The following LEMD3 variants were observed in gnomAD, a reference collection of about 807,000 sequenced individuals.
LEMD3 encodes the protein LEM domain containing 3.
Under a neutral mutation model 95.2 loss-of-function variants are expected in LEMD3, and 33 were observed. That is an observed-to-expected ratio of 0.35 (90% CI 0.26 to 0.46). The LOEUF is 0.46. LEMD3 is among the 20% of genes least tolerant of loss of function. LEMD3 has a pLI of 1.00. For missense variants in LEMD3, 1,210 were observed against 1,192.8 expected, an observed-to-expected ratio of 1.01 and a Z score of -0.21; for synonymous variants, 525 against 474.6, an observed-to-expected ratio of 1.11 and a Z score of -1.38.
At chr12:65,221,700 C>A (rs11175686) in intron 4 of LEMD3, among the ~76,000 whole-genome samples, 67,523 of 150,654 alleles carry the variant, frequency 0.45, 18,138 homozygotes, top group Middle Eastern at 0.63. Context: ...AAAATAGCCA[C>A]CCTGGCCTTC....
chr12:65,212,259 A>G (rs1182157201), intron 2 of LEMD3, among the ~76,000 whole-genome samples: 1 of 152,186 alleles, frequency 6.6e-6, no homozygotes, highest in African/African-American at 2.4e-5. Context: ...GCCTCCCACA[A>G]CACGTGGGGA....
At chr12:65,202,763 T>C (rs935169743) in intron 1 of LEMD3, among the ~76,000 whole-genome samples, 1 of 152,198 alleles carries the variant, frequency 6.6e-6, no homozygotes, top group Admixed American at 6.6e-5. Flanking sequence ...GGTTGTGTCT[T>C]CTGTGAGTTT....
chr12:65,236,421 G>T (rs758079198), intron 4 of LEMD3, among the ~76,000 whole-genome samples: 1 of 152,050 alleles, frequency 6.6e-6, no homozygotes, highest in African/African-American at 2.4e-5. Flanking sequence ...GGTGGCACAC[G>T]CCTGTAGTAT....
chr12:65,191,578 G>A (rs941263893), intron 1 of LEMD3, among the ~76,000 whole-genome samples: 5 of 152,124 alleles, frequency 3.3e-5, no homozygotes, highest in African/African-American at 1.2e-4. Context: ...AGAGAGAACA[G>A]ATTCTTTTGA....
At chr12:65,244,938 G>A (rs1034077692) in intron 10 of LEMD3, among the ~76,000 whole-genome samples, 4 of 151,992 alleles carry the variant, frequency 2.6e-5, no homozygotes, top group East Asian at 3.9e-4. Flanking sequence ...GTGACAAAGC[G>A]AGACCCTGTC....
In LEMD3 at chr12:65,170,790, C is replaced by T. The variant is rs372402033; in HGVS notation, c.1194C>T (p.Phe398=). 6.2e-7 allele frequency: 1 copy of T among 1,614,090 alleles called. No homozygotes were observed. Among genetic ancestry groups the T allele is most frequent in the Non-Finnish European group, 8.5e-7 (1 of 1,180,040 alleles). Residue 398 remains phenylalanine, a synonymous_variant, in exon 1 of 13, where the codon TTC becomes TTT. Coordinates refer to ENST00000308330, the MANE Select transcript of LEMD3 (RefSeq NM_014319.5). The part of the protein sequence containing the change: ...KTNNHIGGGA[F]SVDSPRIYSN... Reference sequence around the variant, plus strand: ...ATAATCATATTGGCGGTGGGGCCTTCAGTGTGGACTCCCCCAGGATTTATT... The same window carrying T: ...ATAATCATATTGGCGGTGGGGCCTTTAGTGTGGACTCCCCCAGGATTTATT...
chr12:65,221,906 A>G (rs1178660678), intron 4 of LEMD3, among the ~76,000 whole-genome samples: 1 of 151,478 alleles, frequency 6.6e-6, no homozygotes, highest in African/African-American at 2.4e-5. Flanking sequence ...ACACCTGGCT[A>G]ATTTTTTTGT....
intron 1 of LEMD3, among the ~76,000 whole-genome samples, chr12:65,177,975 G>C (rs1220506909): frequency 1.3e-5 from 2 of 151,792 alleles, no homozygotes. Flanking sequence ...CTCCTGAGTA[G>C]CTGGGACTAT....
intron 1 of LEMD3, among the ~76,000 whole-genome samples, chr12:65,180,989 AAC>A (rs71096029): frequency 1.3e-4 from 19 of 149,046 alleles, no homozygotes; most frequent in South Asian, 2.1e-4. Flanking sequence ...TATGTACACA[AAC>A]ACACACACAC....
At chr12:65,193,215 AG>A (rs1869299850) in intron 1 of LEMD3, among the ~76,000 whole-genome samples, 1 of 152,210 alleles carries the variant, frequency 6.6e-6, no homozygotes, top group Non-Finnish European at 1.5e-5. Context: ...GTTTTAAAGC[AG>A]GAGTGAAAGC....
intron 1 of LEMD3, among the ~76,000 whole-genome samples, chr12:65,205,116 T>C (rs1199463834): frequency 6.6e-6 from 1 of 151,874 alleles, no homozygotes; most frequent in Non-Finnish European, 1.5e-5. Context: ...AGAATGCAAA[T>C]GGGGAAGAGC....
At chr12:65,242,561 G>A (rs1210448575) in intron 9 of LEMD3, among the ~76,000 whole-genome samples, 1 of 151,896 alleles carries the variant, frequency 6.6e-6, no homozygotes, top group Non-Finnish European at 1.5e-5. Flanking sequence ...CATAAACTTA[G>A]GGATAATTCT....
chr12:65,247,757 G>A lies in LEMD3; in HGVS notation c.*1432G>A, dbSNP rs940877913. On this transcript the variant is annotated 3_prime_UTR_variant, in exon 13 of 13. Transcript: ENST00000308330. The stretch of plus-strand genomic sequence containing the variant: ...GCATGAACTTGCACAGATAATGCAC[G>A]TTTTCTGGTTAAGTAAACATGATGC... 1.1e-4 allele frequency: 17 copies of A among 152,506 alleles called. 1 individual carries two copies. Among genetic ancestry groups the A allele is most frequent in the Admixed American group, 6.5e-4 (10 of 15,270 alleles). 9.4% of individuals were successfully genotyped at this position (152,506 alleles called of 1,614,324 possible).
intron 1 of LEMD3, chr12:65,171,487 T>C (rs887781270): frequency 5.0e-5 from 13 of 257,980 alleles, no homozygotes; most frequent in Non-Finnish European, 1.0e-4. Flanking sequence ...ACATTATAAA[T>C]GTAGTGTTTT....
intron 1 of LEMD3, among the ~76,000 whole-genome samples, chr12:65,173,918 CAA>C (rs1315833464): frequency 6.6e-6 from 1 of 152,082 alleles, no homozygotes; most frequent in Admixed American, 6.5e-5. Flanking sequence ...GTTAGGGTAT[CAA>C]GAGTGAATAA....
At chr12:65,205,075 C>T (rs1869722207) in intron 1 of LEMD3, among the ~76,000 whole-genome samples, 1 of 152,042 alleles carries the variant, frequency 6.6e-6, no homozygotes, top group Non-Finnish European at 1.5e-5. Context: ...AAGCAAGTAC[C>T]TTTTTCACAA....
intron 1 of LEMD3, among the ~76,000 whole-genome samples, chr12:65,207,487 A>G (rs574263514): frequency 6.6e-6 from 1 of 152,284 alleles, no homozygotes; most frequent in East Asian, 1.9e-4. Context: ...GGCATCCTTC[A>G]TGGTGGTAGC....
intron 1 of LEMD3, among the ~76,000 whole-genome samples, chr12:65,187,616 T>C (rs1395560243): frequency 3.9e-5 from 6 of 151,988 alleles, no homozygotes; most frequent in African/African-American, 7.3e-5. Context: ...AAAAAAAATC[T>C]CACATTCTAC....
At chr12:65,235,184 GACA>G (rs1459662687) in intron 4 of LEMD3, among the ~76,000 whole-genome samples, 1 of 152,064 alleles carries the variant, frequency 6.6e-6, no homozygotes, top group Non-Finnish European at 1.5e-5. Flanking sequence ...GTATGGTAGT[GACA>G]ACATTACAAA....
Sources: allele counts gnomAD v4.1 joint callset (sites outside exome capture counted in the v4.1 genomes callset), GRCh38; gene constraint gnomAD v4.1.1; transcripts MANE v1.5; gene names NCBI Gene and HGNC (gene_info 2026-07-23, HGNC 2026-07-21).